Variants in IL1R1 observed in about 807,000 individuals in gnomAD.
IL1R1 encodes interleukin-1 receptor type 1.
In IL1R1, 22 loss-of-function variants were observed where a neutral mutation model predicts 50.2. The ratio of observed to expected loss-of-function variants is 0.44; its 90% CI spans 0.31 to 0.63. IL1R1 has a LOEUF of 0.63. Among genes scored for constraint, IL1R1 ranks in the 20% least tolerant of loss-of-function variants. The pLI is 0.07. For missense variants in IL1R1, 509 were observed against 676.2 expected, an observed-to-expected ratio of 0.75 and a Z score of 2.74; for synonymous variants, 251 against 236.7, an observed-to-expected ratio of 1.06 and a Z score of -0.55.
intron 1 of IL1R1, among the ~76,000 whole-genome samples, chr2:102,143,369 C>T (rs924651572): frequency 1.3e-5 from 2 of 152,270 alleles, no homozygotes; most frequent in African/African-American, 2.4e-5. Flanking sequence ...GGCTCAGGAC[C>T]GTCAGTCTCC....
chr2:102,102,196 T>C (rs1429124105), upstream of IL1R1, among the ~76,000 whole-genome samples: 1 of 152,182 alleles, frequency 6.6e-6, no homozygotes, highest in Non-Finnish European at 1.5e-5. Flanking sequence ...GGGTGCTCTC[T>C]GGAAAGGGTA....
At chr2:102,084,894 T>G (rs991849255) in intron 1 of IL1R1, among the ~76,000 whole-genome samples, 2 of 152,254 alleles carry the variant, frequency 1.3e-5, no homozygotes, top group African/African-American at 4.8e-5. Context: ...TTACCAGCGT[T>G]TAATATTTTC....
At chr2:102,163,769 T>C (rs904536874) in intron 3 of IL1R1, among the ~76,000 whole-genome samples, 1 of 152,236 alleles carries the variant, frequency 6.6e-6, no homozygotes, top group Non-Finnish European at 1.5e-5. Flanking sequence ...AATTATTTTT[T>C]TGGATGTTAG....
At chr2:102,106,439 T>G (rs1200783188) in intron 1 of IL1R1, among the ~76,000 whole-genome samples, 1 of 152,234 alleles carries the variant, frequency 6.6e-6, no homozygotes, top group Non-Finnish European at 1.5e-5. Context: ...TACATGCTAT[T>G]GTTAATCATT....
In IL1R1 at chr2:102,075,026, G is replaced by A. The variant is rs575043763; in HGVS notation, c.-84+4493G>A. On this transcript the variant is annotated intron_variant, in intron 1 of 11. Coordinates refer to the IL1R1 transcript ENST00000409929. ...GTTTACATATAAACGTGTGTTATGC[G>A]TATTCTTTATACATTTTTCTCTTGT... is the stretch of plus-strand genomic sequence containing the variant. 5.9e-5 allele frequency among the ~76,000 whole-genome samples: 9 copies of A among 151,956 alleles called. No individual in the cohort carries two copies. In the East Asian group the frequency reaches 7.7e-4, roughly 13 times the overall value.
chr2:102,147,140 C>CT (rs768470191), intron 1 of IL1R1, among the ~76,000 whole-genome samples: 1 of 152,128 alleles, frequency 6.6e-6, no homozygotes, highest in Non-Finnish European at 1.5e-5. Flanking sequence ...CACAAGGGAA[C>CT]TTTGAGGGGT....
At position 102,176,986 on chromosome 2, in the gene IL1R1, C is replaced by T. The variant is rs145100407; in HGVS notation, c.*227C>T. The T allele has an allele frequency of 5.8e-4, 294 of 508,796 alleles. 2 individuals carry two copies. The East Asian group carries it at 7.1e-3, about 12-fold the overall frequency. 31.5% of individuals were successfully genotyped at this position (508,796 alleles called of 1,614,324 possible). A position where few individuals can be genotyped will look rare whatever the true frequency, so the allele number is the denominator to read the frequency against. On this transcript the variant is annotated 3_prime_UTR_variant, in exon 12 of 12. Transcript: ENST00000410023. ...GAAGATCTTTTAAAAAGGCAGTAGG[C>T]CCGGTGTGGTGGCTCACGCCTATAA...
intron 4 of IL1R1, 38 bp downstream of exon 4, chr2:102,165,046 T>C: frequency 6.3e-7 from 1 of 1,577,446 alleles, no homozygotes; most frequent in Non-Finnish European, 8.7e-7. Context: ...CATGTTCTAG[T>C]TTCCTGCAGT....
intron 1 of IL1R1, among the ~76,000 whole-genome samples, chr2:102,083,880 G>A (rs999087652): frequency 2.0e-5 from 3 of 151,918 alleles, no homozygotes; most frequent in Admixed American, 1.3e-4. Flanking sequence ...GGAGGCAGAG[G>A]TTGCAGTGAG....
In IL1R1 at chr2:102,157,736, A is replaced by C; in HGVS notation, c.12A>C (p.Leu4Phe). Residue 4 changes from leucine to phenylalanine, a missense_variant, in exon 3 of 12, where the codon TTA becomes TTC. Coordinates refer to ENST00000410023, the MANE Select transcript of IL1R1 (RefSeq NM_000877.4). ...TTCTCCAGAAGAATATGAAAGTGTTACTCAGACTTATTTGTTTCATAGCTC... is the reference window on the plus strand; with the variant it reads ...TTCTCCAGAAGAATATGAAAGTGTTCCTCAGACTTATTTGTTTCATAGCTC... MKV[L>F]LRLICFIALL... 6.2e-7 allele frequency: 1 copy of C among 1,603,384 alleles called. No individual in the cohort carries two copies. Among genetic ancestry groups the C allele is most frequent in the South Asian group, 1.1e-5 (1 of 90,662 alleles).
rs183662424 is a variant in IL1R1 at position 102,105,443 on chromosome 2, C to T, written c.-84+571C>T. ...ACAATGGCATGATCTTGGCTCACTGCAACCTCCGCCTCCCAGGTTCAAGCG... is the reference window on the plus strand; with the variant it reads ...ACAATGGCATGATCTTGGCTCACTGTAACCTCCGCCTCCCAGGTTCAAGCG... On this transcript the variant is annotated intron_variant, in intron 1 of 10. Transcript: ENST00000409329. 8.2e-4 allele frequency among the ~76,000 whole-genome samples: 125 copies of T among 152,288 alleles called. 1 individual carries two copies. Among genetic ancestry groups the T allele is most frequent in the Middle Eastern group, 3.4e-3 (1 of 294 alleles).
chr2:102,099,605 T>G (rs1249115630), upstream of IL1R1, among the ~76,000 whole-genome samples: 1 of 152,112 alleles, frequency 6.6e-6, no homozygotes, highest in African/African-American at 2.4e-5. Flanking sequence ...TTTGTTATTG[T>G]TTTCTCTGCA....
intron 1 of IL1R1, among the ~76,000 whole-genome samples, chr2:102,128,609 T>C (rs1681856537): frequency 6.6e-6 from 1 of 152,186 alleles, no homozygotes; most frequent in Non-Finnish European, 1.5e-5. Context: ...ACACAGATAG[T>C]ATATTGTAGA....
chr2:102,085,305 A>C (rs1035820543), intron 1 of IL1R1, among the ~76,000 whole-genome samples: 7 of 152,152 alleles, frequency 4.6e-5, no homozygotes, highest in African/African-American at 1.4e-4. Context: ...AAGTCATAAA[A>C]ATTTTCTCCT....
intron 1 of IL1R1, among the ~76,000 whole-genome samples, chr2:102,107,741 C>T: frequency 6.6e-6 from 1 of 152,184 alleles, no homozygotes; most frequent in Non-Finnish European, 1.5e-5. Context: ...CTGCTGGTTT[C>T]CAGTTCTGCC....
Position 102,168,194 on chromosome 2 carries a change from C to T in IL1R1, c.656-404C>T, listed in dbSNP as rs142494671. ...AGTTCTCACTATTGGGTCATTAACA[C>T]AGTCATTAAATGCAAGCAGGTCTAG... On this transcript the variant is annotated intron_variant, in intron 6 of 11. Coordinates refer to ENST00000410023, the MANE Select transcript of IL1R1 (RefSeq NM_000877.4). Among the ~76,000 whole-genome samples, 43 of 152,326 alleles carry T rather than the reference C, an allele frequency of 2.8e-4. 1 individual carries two copies. The East Asian group carries it at 5.2e-3, about 18-fold the overall frequency.
At chr2:102,155,157 A>G (rs1577982825) in intron 2 of IL1R1, among the ~76,000 whole-genome samples, 2 of 152,390 alleles carry the variant, frequency 1.3e-5, no homozygotes, top group African/African-American at 4.8e-5. Flanking sequence ...AAAACATTTT[A>G]TCAAAACTGT....
At chr2:102,087,731 A>C (rs1679490004) in intron 1 of IL1R1, among the ~76,000 whole-genome samples, 1 of 152,282 alleles carries the variant, frequency 6.6e-6, no homozygotes, top group East Asian at 1.9e-4. Context: ...CCATGATTGC[A>C]AGCTTCCTGA....
At chr2:102,147,627 G>T (rs574807139) in intron 1 of IL1R1, among the ~76,000 whole-genome samples, 3 of 152,268 alleles carry the variant, frequency 2.0e-5, no homozygotes, top group African/African-American at 7.2e-5. Context: ...TTGTAGGGGT[G>T]AGATGGAAAA....
Sources: gnomAD v4.1 joint callset for allele counts (sites outside exome capture counted in the v4.1 genomes callset) on GRCh38, gnomAD v4.1.1 for gene constraint, MANE v1.5 for transcripts, NCBI Gene and HGNC (gene_info 2026-07-23, HGNC 2026-07-21) for gene names.